NPRL3: variants seen among roughly 807,000 people sequenced by gnomAD.
NPRL3 encodes NPR3 like, GATOR1 complex subunit, also known as GATOR1 complex protein NPRL3.
A neutral mutation model predicts 57.2 loss-of-function variants in NPRL3; 23 were observed. That is an observed-to-expected ratio of 0.40 (90% CI 0.29 to 0.57). The LOEUF is 0.57. NPRL3 is among the 20% of genes least tolerant of loss of function. The pLI, the probability that NPRL3 is intolerant of heterozygous loss-of-function variation, is 0.42. For synonymous variants in NPRL3, 333 were observed against 321.1 expected (o/e 1.04, Z -0.39); for missense variants, 691 against 767.1 (o/e 0.90, Z 1.17).
chr16:95,447 A>G (rs939334872), intron 9 of NPRL3, among the ~76,000 whole-genome samples: 2 of 151,240 alleles, frequency 1.3e-5, no homozygotes, highest in Non-Finnish European at 2.9e-5. Context: ...GGGATATGGG[A>G]CTGTGGGAAC....
intron 3 of NPRL3, chr16:125,824 T>C (rs1229303749): frequency 6.6e-6 from 1 of 152,204 alleles, no homozygotes; most frequent in African/African-American, 2.4e-5. Context: ...AGAGGGCATC[T>C]TTCTAACACA....
At chr16:132,010 T>TTC in intron 2 of NPRL3, among the ~76,000 whole-genome samples, 1 of 54,928 alleles carries the variant, frequency 1.8e-5, no homozygotes, top group African/African-American at 4.3e-5. Context: ...CTTTCTTTCT[T>TTC]TTTTTTTTTT....
intron 8 of NPRL3, among the ~76,000 whole-genome samples, chr16:98,848 G>C (rs1899144438): frequency 6.6e-6 from 1 of 152,206 alleles, no homozygotes; most frequent in Admixed American, 6.5e-5. Flanking sequence ...TGAGGCAGGA[G>C]AATCACTTGA....
At chr16:93,029 G>T in intron 10 of NPRL3, 190 bp downstream of exon 10, 1 of 624,154 alleles carries the variant, frequency 1.6e-6, no homozygotes. Flanking sequence ...GAGCCACAGA[G>T]CACAGAGCCA....
chr16:98,678 C>A (rs1899136552), intron 8 of NPRL3, among the ~76,000 whole-genome samples: 1 of 152,386 alleles, frequency 6.6e-6, no homozygotes, highest in Non-Finnish European at 1.5e-5. Context: ...TGGCTCATGC[C>A]TATAATCCCG....
rs1233680517 is a variant in NPRL3, at chr16:117,375, T to C, written c.319A>G (p.Ile107Val). ...PTLLQHALGQ[I>V]SKTDPSPKRE... ...TTCGGGGAAGGATCTGTTTTGGAGATCTGTAAAAGATGCATAATTCTAATT... is the reference window on the plus strand; with the variant it reads ...TTCGGGGAAGGATCTGTTTTGGAGACCTGTAAAAGATGCATAATTCTAATT... Residue 107 changes from isoleucine (I) to valine (V), a missense_variant and splice_region_variant, in exon 5 of 14, where the codon ATC (isoleucine) becomes GTC (valine). Coordinates refer to ENST00000611875, the MANE Select transcript of NPRL3 (RefSeq NM_001077350.3). 1 of 1,602,308 alleles carries C rather than the reference T, an allele frequency of 6.2e-7. No individual in the cohort carries two copies. Among genetic ancestry groups the C allele is most frequent in the African/African-American group, 1.3e-5 (1 of 74,696 alleles).
intron 2 of NPRL3, among the ~76,000 whole-genome samples, chr16:136,289 G>T (rs776658027): frequency 1.2e-4 from 18 of 152,246 alleles, no homozygotes; most frequent in Non-Finnish European, 1.8e-4. Context: ...GAAGGACAAG[G>T]GTGCTCGACA....
Position 86,823 on chromosome 16 carries a change from T to C in NPRL3, c.1592A>G (p.Tyr531Cys). The C allele has an allele frequency of 6.2e-7, 1 of 1,613,484 alleles. No homozygotes were observed. Among genetic ancestry groups the C allele is most frequent in the Non-Finnish European group, 8.5e-7 (1 of 1,179,758 alleles). The change falls in exon 14 of 14, where the codon TAC (tyrosine) becomes TGC (cysteine). Residue 531 changes from tyrosine to cysteine, a missense_variant. Transcript: ENST00000611875. ...RGRHHLEEIM[Y>C]NENTRRSQLL... ...CTGGGAGCGCCGCGTGTTCTCGTTG[T>C]ACATAATCTCCTCCAGGTGGTGGCG...
rs1898455011 is a variant in NPRL3, at chr16:86,062, C to A, written c.*643G>T. 2 of 329,696 alleles carry A rather than the reference C, an allele frequency of 6.1e-6. No homozygotes were observed. Among genetic ancestry groups the A allele is most frequent in the Non-Finnish European group, 1.1e-5 (2 of 183,026 alleles). The allele number at this position is 329,696 out of a possible 1,614,324, so 20.4% of individuals were successfully genotyped here. ...AAGATGTGCACAGGTGACAGGGCTT[C>A]TCCAGCCTAGCAGGGCCAGCCCAGG... On this transcript the variant is annotated 3_prime_UTR_variant, in exon 14 of 14. Coordinates refer to ENST00000611875, the MANE Select transcript of NPRL3 (RefSeq NM_001077350.3).
chr16:134,694 ATTTTTTTT>A (rs34425237), intron 2 of NPRL3, among the ~76,000 whole-genome samples: 1,967 of 103,450 alleles, frequency 0.019, 43 homozygotes, highest in East Asian at 0.079. Context: ...AATTATTATT[ATTTTTTTT>A]TTTTTTTTTT....
Position 106,425 on chromosome 16 carries a change from G to A in NPRL3, c.629+4100C>T, listed in dbSNP as rs577209423. 2.6e-5 allele frequency among the ~76,000 whole-genome samples: 4 copies of A among 152,124 alleles called. No individual in the cohort carries two copies. The East Asian group carries it at 7.7e-4, about 29-fold the overall frequency. On this transcript the variant is annotated intron_variant, in intron 7 of 13. Transcript: ENST00000611875. Reference sequence around the variant, plus strand: ...AGGTGGGTAGATTGCTTGAGTCCAGGAATTCAAGATCAGCCAGGGTAACAT... The same window carrying A: ...AGGTGGGTAGATTGCTTGAGTCCAGAAATTCAAGATCAGCCAGGGTAACAT...
intron 11 of NPRL3, 71 bp from the exon 12 acceptor site, chr16:89,973 T>C (rs981694395): frequency 2.2e-5 from 31 of 1,427,482 alleles, no homozygotes; most frequent in Admixed American, 6.8e-5. Flanking sequence ...CAGGGAGCCA[T>C]GGCCCTAGAC....
chr16:95,898 C>T (rs1898984066), intron 9 of NPRL3, among the ~76,000 whole-genome samples: 1 of 152,184 alleles, frequency 6.6e-6, no homozygotes, highest in Admixed American at 6.5e-5. Flanking sequence ...TATCTGGTGA[C>T]ATTCACACCT....
intron 3 of NPRL3, among the ~76,000 whole-genome samples, chr16:121,909 C>T (rs565216373): frequency 1.3e-5 from 2 of 149,068 alleles, no homozygotes; most frequent in African/African-American, 4.9e-5. Context: ...CGAGTAGCTG[C>T]GATTAGAGGC....
chr16:138,065 G>T, intron 2 of NPRL3, 85 bp downstream of exon 2: 2 of 972,452 alleles, frequency 2.1e-6, no homozygotes, highest in Non-Finnish European at 3.1e-6. Flanking sequence ...CAAAAGCTAA[G>T]CTCCGCGAGG....
chr16:110,229 G>A lies in NPRL3; in HGVS notation c.629+296C>T, dbSNP rs564102179. Among the ~76,000 whole-genome samples the A allele has an allele frequency of 6.7e-4, 102 of 152,122 alleles. 1 individual carries two copies. In the Middle Eastern group the frequency reaches 0.014, roughly 20 times the overall value. On this transcript the variant is annotated intron_variant, in intron 7 of 13. Coordinates refer to ENST00000611875, the MANE Select transcript of NPRL3 (RefSeq NM_001077350.3). ...GGTTGCTGTGAGCCGAGATCGTGCCGCTGCACTCTAGCCTGGGCAACAAAA... is the reference window on the plus strand; with the variant it reads ...GGTTGCTGTGAGCCGAGATCGTGCCACTGCACTCTAGCCTGGGCAACAAAA...
chr16:133,018 G>C (rs1016931488), intron 2 of NPRL3, among the ~76,000 whole-genome samples: 2 of 152,110 alleles, frequency 1.3e-5, no homozygotes, highest in African/African-American at 4.8e-5. Flanking sequence ...TAAATCTCAT[G>C]AACTAACTTC....
Position 100,353 on chromosome 16 carries a change from C to T in NPRL3, c.767+19G>A, listed in dbSNP as rs112754051. 281 of 1,488,396 alleles carry T rather than the reference C, an allele frequency of 1.9e-4. 1 individual carries two copies. The highest frequency in any genetic ancestry group is 1.6e-4 in the Non-Finnish European group (178 of 1,114,546). 92.2% of individuals were successfully genotyped at this position (1,488,396 alleles called of 1,614,324 possible). A position where few individuals can be genotyped will look rare whatever the true frequency, so the allele number is the denominator to read the frequency against. On this transcript the variant is annotated intron_variant, in intron 8 of 13. Transcript: ENST00000611875. ...GAAGGGCCCTGGCAGGGAGTGAGCA[C>T]GTGGGGCTGGGCACTTACCGGATGG...
chr16:103,295 G>GTTTTTTTTTTTT (rs1331235205), intron 7 of NPRL3, among the ~76,000 whole-genome samples: 3 of 15,914 alleles, frequency 1.9e-4, no homozygotes, highest in Admixed American at 4.8e-4. Context: ...CGCCTGGGGT[G>GTTTTTTTTTTTT]ATTTTTTTTT....
Sources: allele counts gnomAD v4.1 joint callset (sites outside exome capture counted in the v4.1 genomes callset), GRCh38; gene constraint gnomAD v4.1.1; transcripts MANE v1.5; gene names NCBI Gene and HGNC (gene_info 2026-07-23, HGNC 2026-07-21).